Variants in DLG2 observed in about 807,000 individuals in gnomAD.
The protein encoded by DLG2 is disks large homolog 2.
A neutral mutation model predicts 132.5 loss-of-function variants in DLG2; 45 were observed. That is an observed-to-expected ratio of 0.34 (90% CI 0.27 to 0.44). The LOEUF (loss-of-function observed/expected upper bound fraction) is 0.44, where lower values mean the gene tolerates loss of function less well. Ranked by LOEUF, DLG2 falls within the 20% of genes least tolerant of loss-of-function variation. The pLI is 1.00. For synonymous variants in DLG2, 424 were observed against 419.6 expected (o/e 1.01, Z -0.13); for missense variants, 1,045 against 1,196.9 (o/e 0.87, Z 1.87).
chr11:84,245,544 C>T (rs1301509742), intron 8 of DLG2, among the ~76,000 whole-genome samples: 1 of 152,108 alleles, frequency 6.6e-6, no homozygotes, highest in Non-Finnish European at 1.5e-5. Context: ...AGACCTGAAA[C>T]TTCTCCCTTG....
At chr11:84,265,216 T>C (rs2097602749) in intron 7 of DLG2, among the ~76,000 whole-genome samples, 1 of 152,212 alleles carries the variant, frequency 6.6e-6, no homozygotes, top group Admixed American at 6.5e-5. Flanking sequence ...ATGCAATTTG[T>C]AAATGTATAT....
At chr11:84,733,428 A>G (rs1235625591) in intron 6 of DLG2, among the ~76,000 whole-genome samples, 1 of 152,212 alleles carries the variant, frequency 6.6e-6, no homozygotes, top group African/African-American at 2.4e-5. Flanking sequence ...TGTTGGCTGC[A>G]TAAATGTCTT....
intron 3 of DLG2, among the ~76,000 whole-genome samples, chr11:85,414,752 C>T (rs1000631459): frequency 2.6e-5 from 4 of 151,808 alleles, no homozygotes; most frequent in Admixed American, 6.6e-5. Context: ...CATCTATTAG[C>T]GGTTGTTTTA....
chr11:84,477,759 T>G (rs771561060), intron 7 of DLG2, among the ~76,000 whole-genome samples: 1 of 152,178 alleles, frequency 6.6e-6, no homozygotes, highest in Non-Finnish European at 1.5e-5. Flanking sequence ...AATATGAACA[T>G]TGTCATGTTA....
At chr11:83,778,378 AG>A (rs2094674102) in intron 18 of DLG2, among the ~76,000 whole-genome samples, 1 of 152,154 alleles carries the variant, frequency 6.6e-6, no homozygotes, top group Admixed American at 6.6e-5. Flanking sequence ...CTCTAGCACA[AG>A]GATTTATTTG....
rs535067094 is a variant in DLG2 at position 84,828,979 on chromosome 11, G to T, written c.357+282682C>A. The stretch of plus-strand genomic sequence containing the variant: ...GTCCATTAGACAGACCAAATCAATG[G>T]TGAGTCTCTGGCTGAGTCTCTTTTC... On this transcript the variant is annotated intron_variant, in intron 6 of 27. Coordinates refer to ENST00000376104, the MANE Select transcript of DLG2 (RefSeq NM_001142699.3). Among the ~76,000 whole-genome samples the T allele has an allele frequency of 2.6e-5, 4 of 151,650 alleles. No individual in the cohort carries two copies. In the East Asian group the frequency reaches 7.8e-4, roughly 30 times the overall value.
chr11:84,516,610 G>A (rs1176112313), intron 7 of DLG2, among the ~76,000 whole-genome samples: 1 of 151,382 alleles, frequency 6.6e-6, no homozygotes, highest in Admixed American at 6.6e-5. Context: ...GATGCCTTTA[G>A]TGTCTAATTC....
chr11:85,195,893 C>A (rs183062317), intron 4 of DLG2, among the ~76,000 whole-genome samples: 1 of 152,178 alleles, frequency 6.6e-6, no homozygotes, highest in Non-Finnish European at 1.5e-5. Context: ...AAAATAGAAA[C>A]AATTTTGAAA....
In DLG2 at chr11:85,188,838, A is replaced by G. The variant is rs76224384; in HGVS notation, c.187-34187T>C. ...ACAAAGAGAAAATGAAGAAAAATTA[A>G]CAGAGCCTTGGAGACCTCTAGGACA... On this transcript the variant is annotated intron_variant, in intron 4 of 27. Transcript: ENST00000376104. Among the ~76,000 whole-genome samples the G allele has an allele frequency of 2.7e-3, 405 of 152,266 alleles. 9 individuals carry two copies. The East Asian group carries it at 0.057, about 21-fold the overall frequency.
chr11:85,083,514 T>TA (rs1263633804), intron 6 of DLG2, among the ~76,000 whole-genome samples: 1 of 152,104 alleles, frequency 6.6e-6, no homozygotes, highest in African/African-American at 2.4e-5. Context: ...CCCAAGGTGG[T>TA]CAGGCTCCAG....
chr11:83,973,026 G>C (rs761852632), intron 12 of DLG2, among the ~76,000 whole-genome samples: 30 of 152,030 alleles, frequency 2.0e-4, no homozygotes, highest in Non-Finnish European at 3.5e-4. Flanking sequence ...TTCTTCTCTA[G>C]CAGAGGTCAC....
At chr11:84,492,168 C>T (rs1429142396) in intron 7 of DLG2, among the ~76,000 whole-genome samples, 1 of 152,110 alleles carries the variant, frequency 6.6e-6, no homozygotes, top group African/African-American at 2.4e-5. Context: ...GAGGCACCAA[C>T]TGTTCTAGTA....
chr11:84,833,664 G>A lies in DLG2; in HGVS notation c.357+277997C>T, dbSNP rs558148636. On this transcript the variant is annotated intron_variant, in intron 6 of 27. Coordinates refer to ENST00000376104, the MANE Select transcript of DLG2 (RefSeq NM_001142699.3). The stretch of plus-strand genomic sequence containing the variant: ...AGGGAGTGGTGGCAGTTGTGGGGGG[G>A]TGGGCAATTATTCTTACCTTAGTGG... Among the ~76,000 whole-genome samples, 9 of 151,474 alleles carry A rather than the reference G, an allele frequency of 5.9e-5. No homozygotes were observed. In the South Asian group the frequency reaches 1.9e-3, roughly 31 times the overall value.
intron 5 of DLG2, among the ~76,000 whole-genome samples, chr11:85,127,145 T>A (rs2075207583): frequency 6.6e-6 from 1 of 152,064 alleles, no homozygotes; most frequent in Admixed American, 6.6e-5. Flanking sequence ...TATCTCTGCA[T>A]CCTCTATATC....
chr11:83,759,983 T>C (rs1457508142), intron 18 of DLG2, among the ~76,000 whole-genome samples: 2 of 152,220 alleles, frequency 1.3e-5, no homozygotes, highest in East Asian at 3.8e-4. Flanking sequence ...ATGAATAATA[T>C]TCAATATGGT....
At chr11:84,197,075 A>AG (rs1269537422) in intron 8 of DLG2, among the ~76,000 whole-genome samples, 2 of 151,482 alleles carry the variant, frequency 1.3e-5, no homozygotes, top group East Asian at 3.9e-4. Context: ...AGAAAAAAAA[A>AG]ACGAAAGAAA....
At chr11:83,525,708 G>C (rs2095590944) in intron 21 of DLG2, among the ~76,000 whole-genome samples, 3 of 152,146 alleles carry the variant, frequency 2.0e-5, no homozygotes, top group Admixed American at 2.0e-4. Context: ...TGGATCTGTA[G>C]ATCACCTCTG....
intron 6 of DLG2, among the ~76,000 whole-genome samples, chr11:84,989,638 G>T (rs2056873694): frequency 6.6e-6 from 1 of 152,120 alleles, no homozygotes; most frequent in Non-Finnish European, 1.5e-5. Context: ...AAATTATATG[G>T]AAAGGCAAAG....
intron 6 of DLG2, among the ~76,000 whole-genome samples, chr11:84,581,912 CAAAAA>C (rs780759635): frequency 3.1e-5 from 2 of 64,986 alleles, no homozygotes; most frequent in African/African-American, 1.0e-4. Flanking sequence ...TCTCAAAAAC[CAAAAA>C]AAAAAAAAAA....
Sources: allele counts gnomAD v4.1 joint callset (sites outside exome capture counted in the v4.1 genomes callset), GRCh38; gene constraint gnomAD v4.1.1; transcripts MANE v1.5; gene names NCBI Gene and HGNC (gene_info 2026-07-23, HGNC 2026-07-21).